The following TTLL4 variants were observed in gnomAD, a reference collection of about 807,000 sequenced individuals.
TTLL4 encodes the protein tubulin monoglutamylase TTLL4.
In TTLL4, 85 loss-of-function variants were observed where a neutral mutation model predicts 122.7. The observed-to-expected ratio is 0.69, with a 90% confidence interval of 0.58 to 0.83. The LOEUF is 0.83. TTLL4 is among the 40% of genes least tolerant of loss of function. The probability of loss-of-function intolerance (pLI) is 0.00; values close to 1 mark genes in which losing one functional copy is unlikely to be tolerated. For missense variants in TTLL4, 1,363 were observed against 1,488.6 expected (o/e 0.92, Z 1.39); for synonymous variants, 553 against 563.0 (o/e 0.98, Z 0.25).
chr2:218,714,706 A>G (rs1941808551), intron 1 of TTLL4, among the ~76,000 whole-genome samples: 1 of 152,028 alleles, frequency 6.6e-6, no homozygotes, highest in African/African-American at 2.4e-5. Flanking sequence ...TGTACTTGAA[A>G]AAGCTCTTTG....
At chr2:218,739,193 G>T in intron 3 of TTLL4, 30 bp downstream of exon 3, 1 of 1,591,286 alleles carries the variant, frequency 6.3e-7, no homozygotes, top group Non-Finnish European at 8.5e-7. Context: ...GGTTCATTTA[G>T]AGCAGTAGAA....
intron 1 of TTLL4, among the ~76,000 whole-genome samples, 152 bp downstream of exon 1, chr2:218,711,189 C>T (rs1448570763): frequency 6.6e-6 from 1 of 152,234 alleles, no homozygotes; most frequent in Non-Finnish European, 1.5e-5. Context: ...CCTCTCATCC[C>T]CCGGGAGGCC....
intron 2 of TTLL4, among the ~76,000 whole-genome samples, chr2:218,734,217 T>G (rs1405198944): frequency 6.6e-6 from 1 of 151,734 alleles, no homozygotes; most frequent in Non-Finnish European, 1.5e-5. Context: ...GAATGTAAGG[T>G]TTTTTTTAGG....
chr2:218,753,690 G>A, intron 19 of TTLL4, 21 bp downstream of exon 19: 1 of 1,613,244 alleles, frequency 6.2e-7, no homozygotes, highest in African/African-American at 1.3e-5. Context: ...CCTGGGCAAG[G>A]GAGGGGCTGC....
chr2:218,712,497 C>CT (rs1281050970), intron 1 of TTLL4, among the ~76,000 whole-genome samples: 3 of 152,124 alleles, frequency 2.0e-5, no homozygotes, highest in African/African-American at 7.2e-5. Flanking sequence ...AGCGATTCTC[C>CT]TACCTCATTC....
chr2:218,749,496 T>G, intron 14 of TTLL4, 109 bp downstream of exon 14: 3 of 1,421,148 alleles, frequency 2.1e-6, no homozygotes, highest in Non-Finnish European at 2.8e-6. Context: ...TGAGATGGAG[T>G]CTCGCTCTGT....
At chr2:218,748,598 T>G in intron 12 of TTLL4, 7 of 444,432 alleles carry the variant, frequency 1.6e-5, no homozygotes. Flanking sequence ...GAGGTTGCAG[T>G]GAGCTGAGAT....
At chr2:218,719,647 A>G (rs1317791678) in intron 1 of TTLL4, among the ~76,000 whole-genome samples, 5 of 152,022 alleles carry the variant, frequency 3.3e-5, no homozygotes, top group Non-Finnish European at 7.3e-5. Flanking sequence ...CATGACAGTC[A>G]TCTGGAATGC....
At chr2:218,722,005 G>C (rs1006057346) in intron 1 of TTLL4, among the ~76,000 whole-genome samples, 1 of 152,138 alleles carries the variant, frequency 6.6e-6, no homozygotes, top group African/African-American at 2.4e-5. Flanking sequence ...ATTAGGGCCA[G>C]GTGTAGGGGT....
At chr2:218,728,108 G>A (rs1442758688) in intron 2 of TTLL4, 2 of 113,226 alleles carry the variant, frequency 1.8e-5, no homozygotes, top group East Asian at 6.0e-4. Flanking sequence ...AACCTTTTTG[G>A]CCCCAGAGAC....
chr2:218,733,762 T>G (rs1335371150), intron 2 of TTLL4, among the ~76,000 whole-genome samples: 1 of 152,196 alleles, frequency 6.6e-6, no homozygotes, highest in East Asian at 1.9e-4. Context: ...TCTTCCTCTT[T>G]TGGATTAAAA....
chr2:218,732,384 C>T (rs1276378780), intron 2 of TTLL4, among the ~76,000 whole-genome samples: 5 of 152,096 alleles, frequency 3.3e-5, no homozygotes, highest in African/African-American at 9.7e-5. Context: ...CCTTTTGGAT[C>T]CTAGAGGCGC....
intron 5 of TTLL4, among the ~76,000 whole-genome samples, chr2:218,744,322 A>G (rs1487563228): frequency 6.6e-6 from 1 of 152,134 alleles, no homozygotes. Flanking sequence ...TATTTTCTCC[A>G]TTTTTCAGTG....
At chr2:218,757,595 T>C (rs10181232), downstream of TTLL4, among the ~76,000 whole-genome samples, 56 of 152,194 alleles carry the variant, frequency 3.7e-4, no homozygotes, top group Non-Finnish European at 6.9e-4. Flanking sequence ...AGAGCAGATA[T>C]ATGGACCTAA....
intron 8 of TTLL4, 62 bp from the exon 9 acceptor site, chr2:218,746,941 G>C: frequency 6.5e-7 from 1 of 1,547,044 alleles, no homozygotes; most frequent in Non-Finnish European, 8.8e-7. Context: ...AATGAGTCTT[G>C]TCATCTTCCT....
chr2:218,737,651 C>T lies in TTLL4; in HGVS notation c.-26C>T, dbSNP rs1942564137. 6.4e-7 allele frequency: 1 copy of T among 1,550,760 alleles called. No individual in the cohort carries two copies. Among genetic ancestry groups the T allele is most frequent in the Non-Finnish European group, 8.7e-7 (1 of 1,148,600 alleles). On this transcript the variant is annotated 5_prime_UTR_variant, in exon 3 of 20. Coordinates refer to ENST00000392102, the MANE Select transcript of TTLL4 (RefSeq NM_014640.5). Reference sequence around the variant, plus strand: ...ACCTTACCTCAGCAAGGCCATGAGACCGTGTGGCCATGATGTGGGCCCCTC... The same window carrying T: ...ACCTTACCTCAGCAAGGCCATGAGATCGTGTGGCCATGATGTGGGCCCCTC...
intron 2 of TTLL4, among the ~76,000 whole-genome samples, chr2:218,730,341 A>AAAAAAAAAAAAAAAAAAAAG (rs1942340978): frequency 8.7e-6 from 1 of 115,048 alleles, no homozygotes. Flanking sequence ...AAAAAAAAAA[A>AAAAAAAAAAAAAAAAAAAAG]AAAAAAAAGA....
chr2:218,739,657 T>C (rs550737102), intron 3 of TTLL4, among the ~76,000 whole-genome samples: 2 of 152,344 alleles, frequency 1.3e-5, no homozygotes, highest in East Asian at 3.9e-4. Flanking sequence ...GGCACACACA[T>C]AGTTGGCTCC....
At chr2:218,731,404 C>G (rs1447624868) in intron 2 of TTLL4, among the ~76,000 whole-genome samples, 2 of 150,974 alleles carry the variant, frequency 1.3e-5, no homozygotes, top group Non-Finnish European at 2.9e-5. Flanking sequence ...GAGTGAGACT[C>G]TGTTTCCAAA....
Sources: allele counts gnomAD v4.1 joint callset (sites outside exome capture counted in the v4.1 genomes callset), GRCh38; gene constraint gnomAD v4.1.1; transcripts MANE v1.5; gene names NCBI Gene and HGNC (gene_info 2026-07-23, HGNC 2026-07-21).